ATP5MC2: variants seen among roughly 807,000 people sequenced by gnomAD.
ATP5MC2 encodes the protein ATP synthase F(0) complex subunit C2, mitochondrial.
A neutral mutation model predicts 13.5 loss-of-function variants in ATP5MC2; 11 were observed. That is an observed-to-expected ratio of 0.81 (90% CI 0.51 to 1.35). The LOEUF (loss-of-function observed/expected upper bound fraction) is 1.35. Ranked by LOEUF, ATP5MC2 falls within the 40% of genes most tolerant of loss-of-function variation. The pLI is 0.00. For synonymous variants in ATP5MC2, 64 were observed against 69.7 expected (o/e 0.92, Z 0.41); for missense variants, 132 against 175.0 (o/e 0.75, Z 1.39).
chr12:53,672,367 G>A lies in ATP5MC2; in HGVS notation c.39+209C>T, dbSNP rs1366419883. Among the ~76,000 whole-genome samples, 4 of 152,010 alleles carry A rather than the reference G, an allele frequency of 2.6e-5. No individual in the cohort carries two copies. The East Asian group carries it at 5.8e-4, about 22-fold the overall frequency. ...CTCCTGAGTAGCTGGGATTACAGGCGCCCGCCACCATGCCCAACTGGTTTT... is the reference window on the plus strand; with the variant it reads ...CTCCTGAGTAGCTGGGATTACAGGCACCCGCCACCATGCCCAACTGGTTTT... On this transcript the variant is annotated intron_variant, in intron 2 of 4. Transcript: ENST00000394349.
chr12:53,670,843 G>GA (rs1254560202), intron 2 of ATP5MC2, among the ~76,000 whole-genome samples: 1 of 151,814 alleles, frequency 6.6e-6, no homozygotes, highest in African/African-American at 2.4e-5. Context: ...GGCTGGTTTT[G>GA]AATTCCTGAC....
intron 4 of ATP5MC2, 24 bp from the exon 5 acceptor site, chr12:53,665,452 A>T (rs1437448809): frequency 6.4e-7 from 1 of 1,560,248 alleles, no homozygotes; most frequent in South Asian, 1.1e-5. Flanking sequence ...AAGAGAAAAG[A>T]CTGAATTTCT....
upstream of ATP5MC2, among the ~76,000 whole-genome samples, chr12:53,678,899 T>C (rs1945323882): frequency 6.6e-6 from 1 of 152,200 alleles, no homozygotes; most frequent in Non-Finnish European, 1.5e-5. Flanking sequence ...GTTTTTTTAA[T>C]GACTGTGAGT....
intron 4 of ATP5MC2, among the ~76,000 whole-genome samples, chr12:53,667,790 C>T (rs140410203): frequency 6.6e-6 from 1 of 151,820 alleles, no homozygotes; most frequent in East Asian, 1.9e-4. Context: ...GCACCACACC[C>T]GGCCATAAAA....
At chr12:53,665,916 C>T (rs1163638150) in intron 4 of ATP5MC2, among the ~76,000 whole-genome samples, 1 of 152,200 alleles carries the variant, frequency 6.6e-6, no homozygotes, top group Non-Finnish European at 1.5e-5. Flanking sequence ...CCTCAGAATC[C>T]TAAGGATTTA....
chr12:53,665,480 G>T (rs1281504849), intron 4 of ATP5MC2, 52 bp from the exon 5 acceptor site: 1 of 1,407,452 alleles, frequency 7.1e-7, no homozygotes, highest in Non-Finnish European at 1.0e-6. Context: ...ACAAAGAAAA[G>T]GATAAATATC....
At chr12:53,680,223 C>T (rs760900961), upstream of ATP5MC2, among the ~76,000 whole-genome samples, 1 of 152,072 alleles carries the variant, frequency 6.6e-6, no homozygotes, top group Non-Finnish European at 1.5e-5. Flanking sequence ...TGAGCTCAAG[C>T]GATCTGCCTA....
upstream of ATP5MC2, chr12:53,677,228 T>G (rs972915531): frequency 2.6e-5 from 4 of 152,022 alleles, no homozygotes; most frequent in African/African-American, 9.8e-5. Flanking sequence ...GGCCCCGAGC[T>G]CCTCCATTTA....
chr12:53,667,401 T>C (rs1208436661), intron 4 of ATP5MC2, among the ~76,000 whole-genome samples: 1 of 152,166 alleles, frequency 6.6e-6, no homozygotes, highest in African/African-American at 2.4e-5. Flanking sequence ...AGGTAAACTT[T>C]TTCTGTAAAG....
In ATP5MC2 at chr12:53,669,016, A is replaced by AAAAC. The variant is rs148475150; in HGVS notation, c.311+128_311+131dup. On this transcript the variant is annotated intron_variant, in intron 4 of 4. Coordinates refer to ENST00000394349, the MANE Select transcript of ATP5MC2 (RefSeq NM_005176.7). ...CTGGGAAACAGAGCGTTACTGTCTCAAAACAAACAAACAAACAAACAACAT... is the reference window on the plus strand; with the variant it reads ...CTGGGAAACAGAGCGTTACTGTCTCAAAACAAACAAACAAACAAACAAACAACAT... The AAAAC allele has an allele frequency of 1.2e-3, 1,572 of 1,295,668 alleles. 6 individuals carry two copies. In the African/African-American group the frequency reaches 0.015, roughly 13 times the overall value. 80.3% of individuals were successfully genotyped at this position (1,295,668 alleles called of 1,614,324 possible).
At chr12:53,672,890 A>G in intron 1 of ATP5MC2, 2 of 446,074 alleles carry the variant, frequency 4.5e-6, no homozygotes, top group South Asian at 2.8e-5. Flanking sequence ...GGGTTCAGGT[A>G]AGACCTGTTA....
At chr12:53,678,496 A>G (rs1945321002), upstream of ATP5MC2, among the ~76,000 whole-genome samples, 1 of 152,230 alleles carries the variant, frequency 6.6e-6, no homozygotes, top group African/African-American at 2.4e-5. Flanking sequence ...AAGAGACTCA[A>G]CTACACTTTA....
intron 4 of ATP5MC2, 97 bp downstream of exon 4, chr12:53,669,051 G>C (rs1333468012): frequency 1.5e-6 from 2 of 1,375,580 alleles, no homozygotes; most frequent in Non-Finnish European, 1.9e-6. Flanking sequence ...TGTAGCTAGT[G>C]GCTACAGTGT....
At chr12:53,667,952 CACACATATATATATATATATATAT>C (rs1196108740) in intron 4 of ATP5MC2, among the ~76,000 whole-genome samples, 8 of 110,748 alleles carry the variant, frequency 7.2e-5, no homozygotes, top group African/African-American at 2.6e-4. Context: ...CATACATACA[CACACATATATATATATATATATAT>C]ATATATATAT....
intron 1 of ATP5MC2, chr12:53,673,704 C>T (rs897484770): frequency 3.8e-5 from 6 of 156,808 alleles, no homozygotes; most frequent in African/African-American, 1.4e-4. Context: ...GCCTGTAATC[C>T]CAGCTACTCA....
chr12:53,666,943 C>CAAAAAAAAAA (rs58565014), intron 4 of ATP5MC2, among the ~76,000 whole-genome samples: 3 of 103,410 alleles, frequency 2.9e-5, no homozygotes, highest in African/African-American at 1.1e-4. Flanking sequence ...GACTCAGTCT[C>CAAAAAAAAAA]AAAAAAAAAA....
At chr12:53,677,223 C>G (rs1945300116), upstream of ATP5MC2, 1 of 152,978 alleles carries the variant, frequency 6.5e-6, no homozygotes, top group Non-Finnish European at 1.5e-5. Context: ...GCCCCGGCCC[C>G]GAGCTCCTCC....
chr12:53,669,804 G>A, intron 3 of ATP5MC2, 67 bp downstream of exon 3: 1 of 1,522,782 alleles, frequency 6.6e-7, no homozygotes, highest in Non-Finnish European at 9.1e-7. Flanking sequence ...CTACCTCCTG[G>A]TTCTGGCAGG....
In ATP5MC2 at chr12:53,676,023, C is replaced by T. The variant is rs147349765; in HGVS notation, c.-32+30G>A. On this transcript the variant is annotated intron_variant, in intron 1 of 4. Coordinates refer to ENST00000394349, the MANE Select transcript of ATP5MC2 (RefSeq NM_005176.7). ...AGGTGTCCCGCGCGCGTGCGCAGCG[C>T]ACAGAGGGCTCTAGGTCCCAAGGCC... 5.1e-4 allele frequency: 819 copies of T among 1,607,436 alleles called. 7 individuals are homozygous for T. In the East Asian group the frequency reaches 0.014, roughly 27 times the overall value.
Sources: gnomAD v4.1 joint callset for allele counts (sites outside exome capture counted in the v4.1 genomes callset) on GRCh38, gnomAD v4.1.1 for gene constraint, MANE v1.5 for transcripts, NCBI Gene and HGNC (gene_info 2026-07-23, HGNC 2026-07-21) for gene names.